ZBTB44: variants seen among roughly 807,000 people sequenced by gnomAD.
ZBTB44 encodes the protein zinc finger and BTB domain containing 44.
In ZBTB44, 15 loss-of-function variants were observed where a neutral mutation model predicts 54.0. The ratio of observed to expected loss-of-function variants is 0.28; its 90% confidence interval spans 0.19 to 0.43. The LOEUF (loss-of-function observed/expected upper bound fraction) is 0.43. Among genes scored for constraint, ZBTB44 ranks in the 20% least tolerant of loss-of-function variants. The pLI is 1.00. For missense variants in ZBTB44, 487 were observed against 707.1 expected (o/e 0.69, Z 3.53); for synonymous variants, 230 against 250.1 (o/e 0.92, Z 0.76).
rs530591745 is a variant in ZBTB44, at chr11:130,260,803, A to T, written c.1018+53T>A. ...AAACTTTTTATCTAACAGGAACTTA[A>T]AAATGTTTGAATTGACTTTATAGCA... is the stretch of plus-strand genomic sequence containing the variant. On this transcript the variant is annotated intron_variant, in intron 2 of 7. Transcript: ENST00000357899. 3.3e-6 allele frequency: 5 copies of T among 1,518,580 alleles called. No individual in the cohort carries two copies. The East Asian group carries it at 1.1e-4, about 34-fold the overall frequency. 94.1% of individuals were successfully genotyped at this position (1,518,580 alleles called of 1,614,324 possible).
chr11:130,281,793 G>A (rs1940542080), intron 1 of ZBTB44, among the ~76,000 whole-genome samples: 2 of 7,896 alleles, frequency 2.5e-4, no homozygotes, highest in East Asian at 1.6e-3. Flanking sequence ...ACGGGGTTTC[G>A]CCGGGGTTTC....
In ZBTB44 at chr11:130,261,404, T is replaced by C. The variant is rs1938856688; in HGVS notation, c.470A>G (p.Asp157Gly). Residue 157 changes from aspartate (D) to glycine (G), a missense_variant, in exon 2 of 8, where the codon GAT becomes GGT. Coordinates refer to ENST00000357899, the MANE Select transcript of ZBTB44 (RefSeq NM_001301098.2). The surrounding 1 kb of genome is among the most constrained non-coding windows in gnomAD (Gnocchi z 4.8). ...NNSNCNFTSR[D>G]GSISPVSSEC... ...TGAGGACACGGGAGAAATGCTCCCA[T>C]CTCGAGAAGTAAAATTGCAGTTAGA... 1 of 1,613,860 alleles carries C rather than the reference T, an allele frequency of 6.2e-7. No homozygotes were observed. Among genetic ancestry groups the C allele is most frequent in the Admixed American group, 1.7e-5 (1 of 59,994 alleles).
chr11:130,312,088 T>C (rs1432346765), intron 1 of ZBTB44, among the ~76,000 whole-genome samples: 2 of 152,192 alleles, frequency 1.3e-5, no homozygotes, highest in African/African-American at 2.4e-5. Context: ...AGTAAAGAGA[T>C]TAAATTTAAC....
chr11:130,269,520 C>A (rs1223958806), intron 1 of ZBTB44, among the ~76,000 whole-genome samples: 1 of 152,054 alleles, frequency 6.6e-6, no homozygotes, highest in African/African-American at 2.4e-5. Context: ...CATTTTATTC[C>A]AAATTACTGA....
intron 2 of ZBTB44, among the ~76,000 whole-genome samples, chr11:130,259,808 T>C (rs879333439): frequency 1.2e-5 from 1 of 84,976 alleles, no homozygotes; most frequent in Non-Finnish European, 2.4e-5. Flanking sequence ...TGTTGGGGGA[T>C]GGGGGGCTAG....
At chr11:130,284,229 T>C (rs1940764008) in intron 1 of ZBTB44, among the ~76,000 whole-genome samples, 1 of 152,242 alleles carries the variant, frequency 6.6e-6, no homozygotes, top group Admixed American at 6.5e-5. Flanking sequence ...ATGATGTTAA[T>C]TGCAAATTTT....
At chr11:130,237,389 A>G (rs543431731) in intron 4 of ZBTB44, among the ~76,000 whole-genome samples, 1 of 152,200 alleles carries the variant, frequency 6.6e-6, no homozygotes, top group Non-Finnish European at 1.5e-5. Context: ...TCAAAACACA[A>G]TTTAACTACA....
intron 1 of ZBTB44, among the ~76,000 whole-genome samples, chr11:130,275,936 A>G (rs1387520110): frequency 6.6e-6 from 1 of 151,440 alleles, no homozygotes; most frequent in Non-Finnish European, 1.5e-5. Flanking sequence ...ATTTGCATTA[A>G]AATCTATTGG....
intron 1 of ZBTB44, 141 bp from the exon 2 acceptor site, chr11:130,262,070 TAG>T (rs1174153302): frequency 2.9e-5 from 18 of 618,404 alleles, no homozygotes; most frequent in African/African-American, 1.8e-4. Context: ...AGGGACTGTA[TAG>T]AAATATATTC....
At chr11:130,255,070 G>C (rs1364794897) in intron 2 of ZBTB44, among the ~76,000 whole-genome samples, 2 of 125,702 alleles carry the variant, frequency 1.6e-5, no homozygotes, top group African/African-American at 6.0e-5. Context: ...ACTGGGGCCT[G>C]TTGTGGGGCG....
At chr11:130,239,595 A>T in intron 3 of ZBTB44, 1 of 362,434 alleles carries the variant, frequency 2.8e-6, no homozygotes, top group Non-Finnish European at 5.1e-6. Flanking sequence ...GATACGATTT[A>T]AAGCAATGGG....
chr11:130,276,791 TTTC>T (rs760047236), intron 1 of ZBTB44, among the ~76,000 whole-genome samples: 5 of 152,182 alleles, frequency 3.3e-5, no homozygotes, highest in Non-Finnish European at 5.9e-5. Flanking sequence ...GAATTGTCTG[TTTC>T]TTCATTTCTG....
chr11:130,265,062 T>C (rs532817528), intron 1 of ZBTB44, among the ~76,000 whole-genome samples: 8 of 152,326 alleles, frequency 5.3e-5, no homozygotes, highest in South Asian at 2.1e-4. Flanking sequence ...GTGAACTTAA[T>C]GTTGTGTGTG....
intron 1 of ZBTB44, among the ~76,000 whole-genome samples, chr11:130,283,035 C>CTTTTTTT (rs531030883): frequency 2.9e-4 from 30 of 102,412 alleles, no homozygotes; most frequent in Non-Finnish European, 4.3e-4. Flanking sequence ...CCATTCTAAC[C>CTTTTTTT]TTTTTTTTTT....
At chr11:130,249,343 G>T (rs1054217716) in intron 2 of ZBTB44, among the ~76,000 whole-genome samples, 2 of 152,196 alleles carry the variant, frequency 1.3e-5, no homozygotes, top group African/African-American at 4.8e-5. Flanking sequence ...AAACTTGGTT[G>T]TATCAACAAA....
At chr11:130,304,931 A>C (rs953922880) in intron 1 of ZBTB44, among the ~76,000 whole-genome samples, 1 of 152,242 alleles carries the variant, frequency 6.6e-6, no homozygotes, top group African/African-American at 2.4e-5. Flanking sequence ...ATTAATGTAC[A>C]CAAATCAGTA....
rs998792758 is a variant in ZBTB44, at chr11:130,230,608, G to A, written c.*1156C>T. 2 of 149,968 alleles carry A rather than the reference G, an allele frequency of 1.3e-5. No homozygotes were observed. Among genetic ancestry groups the A allele is most frequent in the African/African-American group, 2.4e-5 (1 of 41,020 alleles). 9.3% of individuals were successfully genotyped at this position (149,968 alleles called of 1,614,324 possible). On this transcript the variant is annotated 3_prime_UTR_variant, in exon 8 of 8. Transcript: ENST00000357899. ...AAAAACTGGCAATGTAACTAAATGC[G>A]TAACTAATTACTTGAAATAAAAAGA...
chr11:130,244,742 T>G (rs1328856884), intron 2 of ZBTB44, among the ~76,000 whole-genome samples: 2 of 151,996 alleles, frequency 1.3e-5, no homozygotes, highest in Non-Finnish European at 2.9e-5. Flanking sequence ...ATGTGAACAT[T>G]TAATAAGTAT....
At chr11:130,249,607 C>A (rs980775172) in intron 2 of ZBTB44, among the ~76,000 whole-genome samples, 1 of 152,326 alleles carries the variant, frequency 6.6e-6, no homozygotes, top group African/African-American at 2.4e-5. Context: ...GTTCATCTCA[C>A]TGGGACTAGT....
Sources: allele counts gnomAD v4.1 joint callset (sites outside exome capture counted in the v4.1 genomes callset), GRCh38; gene constraint gnomAD v4.1.1; non-coding constraint Gnocchi (gnomAD v3.1); transcripts MANE v1.5; gene names NCBI Gene and HGNC (gene_info 2026-07-23, HGNC 2026-07-21).